SASH1: variants seen among roughly 807,000 people sequenced by gnomAD.
The protein encoded by SASH1 is SAM and SH3 domain containing 1.
Under a neutral mutation model 125.2 loss-of-function variants are expected in SASH1, and 44 were observed. That is an observed-to-expected ratio of 0.35 (90% CI 0.28 to 0.45). SASH1 has a LOEUF of 0.45. Ranked by LOEUF, SASH1 falls within the 20% of genes least tolerant of loss-of-function variation. The pLI is 1.00. For synonymous variants in SASH1, 639 were observed against 649.1 expected (o/e 0.98, Z 0.24); for missense variants, 1,426 against 1,614.5 (o/e 0.88, Z 2.00).
Position 148,549,555 on chromosome 6 carries a change from A to T in SASH1, c.*997A>T, listed in dbSNP as rs28706498. The T allele has an allele frequency of 5.0e-6, 2 of 398,778 alleles. No homozygotes were observed. The highest frequency in any genetic ancestry group is 8.9e-6 in the Non-Finnish European group (2 of 225,970). The allele number at this position is 398,778 out of a possible 1,614,324, so 24.7% of individuals were successfully genotyped here. ...CATCCCAAAATTCAGTCCTCAGTTA[A>T]CGGATCATGTTTGCAAAAGGTCACT... On this transcript the variant is annotated 3_prime_UTR_variant, in exon 20 of 20. Coordinates refer to ENST00000367467, the MANE Select transcript of SASH1 (RefSeq NM_015278.5).
chr6:148,382,424 G>T (rs1441531328), intron 1 of SASH1, among the ~76,000 whole-genome samples: 1 of 152,044 alleles, frequency 6.6e-6, no homozygotes, highest in African/African-American at 2.4e-5. Flanking sequence ...TGAGTAGCTG[G>T]GATTACAGGC....
At chr6:148,527,385 G>A in intron 11 of SASH1, 68 bp from the exon 12 acceptor site, 1 of 1,408,898 alleles carries the variant, frequency 7.1e-7, no homozygotes, top group Non-Finnish European at 9.5e-7. Flanking sequence ...GGATGTTAAT[G>A]GTTTAAATAA....
chr6:148,334,083 A>C (rs1246078838), intron 1 of SASH1, among the ~76,000 whole-genome samples: 1 of 148,506 alleles, frequency 6.7e-6, no homozygotes, highest in Non-Finnish European at 1.5e-5. Context: ...CGGCCTCCCA[A>C]AGTGCTGGGA....
intron 1 of SASH1, among the ~76,000 whole-genome samples, chr6:148,296,903 G>T (rs1272714498): frequency 6.6e-6 from 1 of 152,334 alleles, no homozygotes; most frequent in Non-Finnish European, 1.5e-5. Flanking sequence ...GCAAAATATT[G>T]AAAGCACACA....
At chr6:148,306,935 A>G (rs1276939835) in intron 1 of SASH1, among the ~76,000 whole-genome samples, 2 of 152,176 alleles carry the variant, frequency 1.3e-5, no homozygotes, top group Non-Finnish European at 2.9e-5. Context: ...TTGTAAACAT[A>G]TAGGGTGACA....
intron 2 of SASH1, among the ~76,000 whole-genome samples, chr6:148,421,150 A>AAGGAAGGAAGAAAGAAAGGAAGGAAGG (rs1562396387): frequency 2.1e-5 from 1 of 48,516 alleles, no homozygotes; most frequent in African/African-American, 7.3e-5. Context: ...AGGAAGGAAG[A>AAGGAAGGAAGAAAGAAAGGAAGGAAGG]AAGAAAGAAA....
the SASH1 span, among the ~76,000 whole-genome samples, chr6:148,239,595 T>A: frequency 3.0e-4 from 45 of 152,282 alleles, no homozygotes; most frequent in East Asian, 8.5e-3. Context: ...TGCCAATCAA[T>A]CTCCAGCAAA....
upstream of SASH1, among the ~76,000 whole-genome samples, chr6:148,341,317 G>GTTTTTTTTTTTTT (rs1179914037): frequency 1.3e-4 from 16 of 120,214 alleles, no homozygotes; most frequent in African/African-American, 4.4e-4. Flanking sequence ...GCTATGTTTT[G>GTTTTTTTTTTTTT]TTTTTTTTTT....
intron 18 of SASH1, among the ~76,000 whole-genome samples, chr6:148,545,743 AT>A (rs1370097296): frequency 2.6e-5 from 4 of 152,250 alleles, no homozygotes; most frequent in Non-Finnish European, 5.9e-5. Context: ...CCTCTAAAGC[AT>A]TCATCCTGAC....
intron 11 of SASH1, among the ~76,000 whole-genome samples, chr6:148,526,940 T>C (rs1173343262): frequency 6.0e-5 from 9 of 150,342 alleles, no homozygotes; most frequent in African/African-American, 2.0e-4. Context: ...TGACGCGATC[T>C]CAGCTCACTG....
intron 11 of SASH1, among the ~76,000 whole-genome samples, chr6:148,527,029 C>T (rs953474501): frequency 6.6e-6 from 1 of 152,058 alleles, no homozygotes; most frequent in South Asian, 2.1e-4. Flanking sequence ...CCCACCACCA[C>T]GCCCAGCTAA....
chr6:148,356,387 T>C (rs928677549), intron 1 of SASH1, among the ~76,000 whole-genome samples: 2 of 151,686 alleles, frequency 1.3e-5, no homozygotes, highest in African/African-American at 4.8e-5. Flanking sequence ...ACACAGCCCA[T>C]GAGGATGCCT....
chr6:148,359,113 G>GA, intron 1 of SASH1, among the ~76,000 whole-genome samples: 1 of 107,074 alleles, frequency 9.3e-6, no homozygotes, highest in African/African-American at 4.2e-5. Flanking sequence ...TGTATATATA[G>GA]GCATACTTCA....
chr6:148,382,688 T>G (rs1482099471), intron 1 of SASH1, among the ~76,000 whole-genome samples: 1 of 152,182 alleles, frequency 6.6e-6, no homozygotes, highest in Non-Finnish European at 1.5e-5. Context: ...CAATCCTGCC[T>G]TCTGGGAGGC....
intron 16 of SASH1, among the ~76,000 whole-genome samples, chr6:148,536,160 T>TG (rs1390067314): frequency 2.0e-5 from 3 of 152,160 alleles, no homozygotes; most frequent in Admixed American, 6.5e-5. Context: ...AGAGACACTT[T>TG]GGGGTCTGTG....
intron 1 of SASH1, chr6:148,379,852 A>T: frequency 2.2e-6 from 1 of 453,062 alleles, no homozygotes; most frequent in Middle Eastern, 3.3e-4. Flanking sequence ...GCATATGTTA[A>T]AGAGCTGCCA....
intron 1 of SASH1, among the ~76,000 whole-genome samples, chr6:148,347,033 C>CT (rs922409041): frequency 2.0e-5 from 3 of 152,080 alleles, no homozygotes; most frequent in Non-Finnish European, 4.4e-5. Flanking sequence ...CACGGCATTC[C>CT]TTTTTTTAGG....
intron 8 of SASH1, among the ~76,000 whole-genome samples, chr6:148,502,943 G>A (rs965435549): frequency 6.6e-6 from 1 of 152,106 alleles, no homozygotes; most frequent in African/African-American, 2.4e-5. Flanking sequence ...TGCGGTTGTC[G>A]CGGTTGACCT....
chr6:148,501,952 A>G (rs1779575929), intron 8 of SASH1, among the ~76,000 whole-genome samples: 1 of 152,204 alleles, frequency 6.6e-6, no homozygotes, highest in Non-Finnish European at 1.5e-5. Context: ...GGAACATAAC[A>G]TCCATTTGCT....
Sources: allele counts gnomAD v4.1 joint callset (sites outside exome capture counted in the v4.1 genomes callset), GRCh38; gene constraint gnomAD v4.1.1; transcripts MANE v1.5; gene names NCBI Gene and HGNC (gene_info 2026-07-23, HGNC 2026-07-21).